ZBBX: variants seen among roughly 807,000 people sequenced by gnomAD.
ZBBX encodes the protein zinc finger B-box domain-containing protein 1.
In ZBBX, 101 loss-of-function variants were observed where a neutral mutation model predicts 108.5. The observed-to-expected ratio is 0.93, with a 90% confidence interval of 0.79 to 1.10. The LOEUF (loss-of-function observed/expected upper bound fraction) is 1.10, where lower values mean the gene tolerates loss of function less well. Ranked by LOEUF, ZBBX falls within the 50% of genes least tolerant of loss-of-function variation. The pLI is 0.00. For missense variants in ZBBX, 1,009 were observed against 941.4 expected (o/e 1.07, Z -0.94); for synonymous variants, 356 against 323.4 (o/e 1.10, Z -1.08).
chr3:167,228,398 C>G, the ZBBX span, among the ~76,000 whole-genome samples: 1 of 151,870 alleles, frequency 6.6e-6, no homozygotes, highest in Non-Finnish European at 1.5e-5. Context: ...GTATTCCACT[C>G]AATTAAAATA....
intron 16 of ZBBX, 84 bp downstream of exon 16, chr3:167,313,890 C>T (rs2108276105): frequency 7.9e-7 from 1 of 1,266,942 alleles, no homozygotes; most frequent in Middle Eastern, 2.7e-4. Context: ...TTAAAATGAA[C>T]AGCATAACAA....
At chr3:167,342,193 A>G (rs1391956784) in intron 9 of ZBBX, among the ~76,000 whole-genome samples, 4 of 151,852 alleles carry the variant, frequency 2.6e-5, no homozygotes, top group African/African-American at 9.7e-5. Flanking sequence ...ACCAATGAAC[A>G]TAACATATAG....
chr3:167,387,787 T>C (rs1388988864), intron 1 of ZBBX, among the ~76,000 whole-genome samples: 3 of 151,930 alleles, frequency 2.0e-5, no homozygotes, highest in Non-Finnish European at 4.4e-5. Context: ...CTATTAGTTA[T>C]CAAAATCTTA....
chr3:167,181,091 G>C, the ZBBX span, among the ~76,000 whole-genome samples: 2 of 152,262 alleles, frequency 1.3e-5, no homozygotes, highest in South Asian at 2.1e-4. Context: ...CCATTTTAAA[G>C]GTATAGGTTC....
chr3:167,317,338 T>A, intron 13 of ZBBX, 150 bp downstream of exon 13: 2 of 655,612 alleles, frequency 3.1e-6, no homozygotes, highest in Non-Finnish European at 5.0e-6. Context: ...AAGAAGTGAG[T>A]GTACATGATT....
upstream of ZBBX, among the ~76,000 whole-genome samples, chr3:167,383,101 A>G (rs955860608): frequency 8.5e-5 from 13 of 152,108 alleles, no homozygotes; most frequent in African/African-American, 3.1e-4. Flanking sequence ...AAGTATTGCA[A>G]TTATATTTTG....
chr3:167,339,072 A>G (rs1218182316), intron 9 of ZBBX, among the ~76,000 whole-genome samples: 2 of 152,164 alleles, frequency 1.3e-5, no homozygotes, highest in Non-Finnish European at 2.9e-5. Flanking sequence ...CCTCATATGC[A>G]GTCGGTAAAT....
At chr3:167,183,079 C>CT in the ZBBX span, among the ~76,000 whole-genome samples, 2 of 152,290 alleles carry the variant, frequency 1.3e-5, no homozygotes, top group South Asian at 4.1e-4. Context: ...GTTAGCCACT[C>CT]TTTTTCTTCA....
In ZBBX at chr3:167,350,493, T is replaced by A; in HGVS notation, c.455A>T (p.Asp152Val). Residue 152 changes from aspartate to valine, a missense_variant, in exon 9 of 22, where the codon GAT becomes GTT. Transcript: ENST00000675490. ...ALLVCLECGE[D>V]YCSGCFAKVH... ...TTTAGCAAAGCATCCTGAACAATAA[T>A]CTTCTCCACATTCAAGGCATACCTA... The A allele has an allele frequency of 1.3e-6, 2 of 1,589,460 alleles. No individual in the cohort carries two copies. The highest frequency in any genetic ancestry group is 1.7e-4 in the Middle Eastern group (1 of 5,940).
Position 167,293,544 on chromosome 3 carries a change from C to A in ZBBX, c.1880-4561G>T, listed in dbSNP as rs143365235. ...AAAACTAGCTATTGATGAAACATAT[C>A]TCAAAATAATAAGAGATATTTATGA... On this transcript the variant is annotated intron_variant, in intron 18 of 21. Coordinates refer to ENST00000675490, the MANE Select transcript of ZBBX (RefSeq NM_001199201.2). 2.2e-3 allele frequency among the ~76,000 whole-genome samples: 333 copies of A among 152,250 alleles called. 4 individuals are homozygous for A. The highest frequency in any genetic ancestry group is 0.022 in the East Asian group (112 of 5,186).
chr3:167,313,645 G>T (rs1734969546), intron 16 of ZBBX, among the ~76,000 whole-genome samples: 1 of 151,866 alleles, frequency 6.6e-6, no homozygotes, highest in South Asian at 2.1e-4. Flanking sequence ...GAATATTTTT[G>T]AAAAATATTT....
At chr3:167,399,136 A>T (rs1428560239) in intron 1 of ZBBX, among the ~76,000 whole-genome samples, 1 of 151,978 alleles carries the variant, frequency 6.6e-6, no homozygotes, top group Non-Finnish European at 1.5e-5. Flanking sequence ...GAAAAAAAAA[A>T]TTCTCACTTA....
chr3:167,201,403 C>T, the ZBBX span, among the ~76,000 whole-genome samples: 1 of 152,178 alleles, frequency 6.6e-6, no homozygotes, highest in East Asian at 1.9e-4. Context: ...TTTCCACATA[C>T]TAAAATGTTT....
chr3:167,316,728 T>C (rs1157084109), intron 14 of ZBBX, among the ~76,000 whole-genome samples: 1 of 152,026 alleles, frequency 6.6e-6, no homozygotes, highest in Non-Finnish European at 1.5e-5. Context: ...AAACTACATA[T>C]CTATAAGTTA....
Position 167,240,596 on chromosome 3 carries a change from G to A in ZBBX, c.*197C>T, listed in dbSNP as rs1048960336. The A allele has an allele frequency of 1.4e-5, 7 of 483,526 alleles. No homozygotes were observed. Among genetic ancestry groups the A allele is most frequent in the Non-Finnish European group, 2.2e-5 (6 of 278,712 alleles). The allele number at this position is 483,526 out of a possible 1,614,324, so 30.0% of individuals were successfully genotyped here. On this transcript the variant is annotated 3_prime_UTR_variant, in exon 22 of 22. Transcript: ENST00000675490. ...AACATAATCTGCAATATAGATTAGT[G>A]GTTGACATATAATATATCATTGGAA...
chr3:167,362,448 T>C (rs1244878253), intron 6 of ZBBX, among the ~76,000 whole-genome samples: 1 of 152,076 alleles, frequency 6.6e-6, no homozygotes, highest in African/African-American at 2.4e-5. Flanking sequence ...AATGCCTTCA[T>C]CTGCCACACT....
intron 19 of ZBBX, among the ~76,000 whole-genome samples, chr3:167,285,465 G>T (rs944817708): frequency 4.0e-5 from 6 of 150,782 alleles, no homozygotes; most frequent in Non-Finnish European, 7.5e-5. Context: ...TACATAAAAA[G>T]AATTCTTAGA....
chr3:167,342,942 TC>T (rs1447696433), intron 9 of ZBBX, among the ~76,000 whole-genome samples: 2 of 151,858 alleles, frequency 1.3e-5, no homozygotes, highest in African/African-American at 4.8e-5. Flanking sequence ...GCAGTTTTTA[TC>T]TACCAATTAT....
At chr3:167,229,241 A>T in the ZBBX span, among the ~76,000 whole-genome samples, 2 of 151,732 alleles carry the variant, frequency 1.3e-5, no homozygotes, top group South Asian at 4.1e-4. Context: ...TTCATTCCCC[A>T]CCCATCTCTC....
Sources: gnomAD v4.1 joint callset for allele counts (sites outside exome capture counted in the v4.1 genomes callset) on GRCh38, gnomAD v4.1.1 for gene constraint, MANE v1.5 for transcripts, NCBI Gene and HGNC (gene_info 2026-07-23, HGNC 2026-07-21) for gene names.